ADAMTSL1: variants seen among roughly 807,000 people sequenced by gnomAD.
The protein encoded by ADAMTSL1 is ADAMTS like 1.
In ADAMTSL1, 126 loss-of-function variants were observed where a neutral mutation model predicts 201.8. That is an observed-to-expected ratio of 0.62 (90% confidence interval 0.54 to 0.72). The LOEUF is 0.72. Ranked by LOEUF, ADAMTSL1 falls within the 30% of genes least tolerant of loss-of-function variation. The pLI, the probability that ADAMTSL1 is intolerant of heterozygous loss-of-function variation, is 0.00. For synonymous variants in ADAMTSL1, 1,121 were observed against 903.4 expected (o/e 1.24, Z -4.32); for missense variants, 2,679 against 2,277.8 (o/e 1.18, Z -3.59).
chr9:17,956,728 C>T (rs34573054), intron 1 of ADAMTSL1, among the ~76,000 whole-genome samples: 16,547 of 152,152 alleles, frequency 0.11, 1,071 homozygotes, highest in South Asian at 0.21. Flanking sequence ...AATTAGAAGC[C>T]ATTTCAATGG....
At chr9:18,794,760 A>C (rs964087808) in intron 19 of ADAMTSL1, among the ~76,000 whole-genome samples, 1 of 151,930 alleles carries the variant, frequency 6.6e-6, no homozygotes, top group Non-Finnish European at 1.5e-5. Flanking sequence ...CAGCCTCCCA[A>C]GTAGCTGGGA....
chr9:17,948,549 A>G (rs1375294806), intron 1 of ADAMTSL1, among the ~76,000 whole-genome samples: 1 of 152,186 alleles, frequency 6.6e-6, no homozygotes, highest in Non-Finnish European at 1.5e-5. Context: ...GTAAAGCCTC[A>G]GTGGAGTCAA....
intron 2 of ADAMTSL1, among the ~76,000 whole-genome samples, chr9:18,406,671 G>C (rs1430104777): frequency 6.6e-6 from 1 of 152,028 alleles, no homozygotes; most frequent in Non-Finnish European, 1.5e-5. Context: ...ATGGAAAACT[G>C]CTCCTCTGTT....
At chr9:18,375,635 T>C (rs1263743669) in intron 2 of ADAMTSL1, among the ~76,000 whole-genome samples, 1 of 152,232 alleles carries the variant, frequency 6.6e-6, no homozygotes, top group Non-Finnish European at 1.5e-5. Flanking sequence ...GCCGTGGACC[T>C]TCACGGTGAG....
rs923382483 is a variant in ADAMTSL1 at position 18,795,530 on chromosome 9, C to A, written c.3805+6C>A. 3 of 1,605,010 alleles carry A rather than the reference C, an allele frequency of 1.9e-6. No individual in the cohort carries two copies. Among genetic ancestry groups the A allele is most frequent in the Non-Finnish European group, 1.7e-6 (2 of 1,175,374 alleles). ...CATTGCCGTCACATTAGCAGGTAAC[C>A]CAAAAATCCCTGTTCTGTTCATTTC... On this transcript the variant is annotated splice_donor_region_variant and intron_variant, in intron 20 of 28. Coordinates refer to ENST00000380548, the MANE Select transcript of ADAMTSL1 (RefSeq NM_001040272.6).
intron 23 of ADAMTSL1, among the ~76,000 whole-genome samples, chr9:18,836,176 T>C (rs1460214656): frequency 6.6e-6 from 1 of 152,194 alleles, no homozygotes; most frequent in Non-Finnish European, 1.5e-5. Flanking sequence ...CTGTTGTTTT[T>C]TGATGCTTAA....
At chr9:18,503,227 C>G (rs892724419) in intron 1 of ADAMTSL1, among the ~76,000 whole-genome samples, 1 of 151,760 alleles carries the variant, frequency 6.6e-6, no homozygotes, top group Admixed American at 6.6e-5. Flanking sequence ...CAGTGCCCCC[C>G]ATTCTAGACA....
At chr9:18,890,072 A>G (rs1829149744) in intron 25 of ADAMTSL1, among the ~76,000 whole-genome samples, 1 of 151,956 alleles carries the variant, frequency 6.6e-6, no homozygotes, top group African/African-American at 2.4e-5. Flanking sequence ...ACAGTAATCA[A>G]CTGACTCTGA....
chr9:18,643,522 C>G (rs1020251399), intron 7 of ADAMTSL1, among the ~76,000 whole-genome samples: 1 of 151,994 alleles, frequency 6.6e-6, no homozygotes, highest in Non-Finnish European at 1.5e-5. Context: ...ATGTTTTCTT[C>G]TAGTAATTTT....
At chr9:17,960,218 T>C (rs1310888735) in intron 1 of ADAMTSL1, among the ~76,000 whole-genome samples, 2 of 152,170 alleles carry the variant, frequency 1.3e-5, no homozygotes, top group African/African-American at 4.8e-5. Flanking sequence ...GACAAAGTGA[T>C]AAAGGAGGGC....
chr9:18,735,046 T>C (rs145503585), intron 15 of ADAMTSL1, among the ~76,000 whole-genome samples: 51 of 152,360 alleles, frequency 3.3e-4, no homozygotes, highest in African/African-American at 1.2e-3. Context: ...TCTGTCCCTA[T>C]GGACAACACT....
At chr9:18,259,655 G>GT (rs1831839990) in intron 2 of ADAMTSL1, among the ~76,000 whole-genome samples, 2 of 152,132 alleles carry the variant, frequency 1.3e-5, no homozygotes, top group East Asian at 3.9e-4. Flanking sequence ...GACTTGTTAG[G>GT]TTTCCATCAC....
At chr9:18,152,555 A>C (rs1826962072) in intron 1 of ADAMTSL1, among the ~76,000 whole-genome samples, 1 of 151,990 alleles carries the variant, frequency 6.6e-6, no homozygotes, top group South Asian at 2.1e-4. Flanking sequence ...GTTGGGTTGG[A>C]GGCCCAGGAG....
At chr9:18,543,346 C>CT (rs34284261) in intron 3 of ADAMTSL1, among the ~76,000 whole-genome samples, 58,401 of 149,042 alleles carry the variant, frequency 0.39, 12,385 homozygotes, top group East Asian at 0.63. Context: ...TGACCCACAG[C>CT]TTTTTTTTTT....
At chr9:18,790,580 G>T (rs919072440) in intron 19 of ADAMTSL1, among the ~76,000 whole-genome samples, 33 of 152,224 alleles carry the variant, frequency 2.2e-4, no homozygotes, top group African/African-American at 1.4e-4. Context: ...ATTATACTTG[G>T]TAGAAATGGC....
chr9:17,931,618 T>A (rs1213978873), intron 1 of ADAMTSL1, among the ~76,000 whole-genome samples: 1 of 152,156 alleles, frequency 6.6e-6, no homozygotes, highest in African/African-American at 2.4e-5. Context: ...TTTTTTTTCC[T>A]TTTGCATAAG....
chr9:18,099,114 T>A (rs529876446), intron 1 of ADAMTSL1, among the ~76,000 whole-genome samples: 29 of 150,984 alleles, frequency 1.9e-4, no homozygotes, highest in South Asian at 1.7e-3. Flanking sequence ...TTTTTTTTTT[T>A]AAATTGTTGT....
intron 1 of ADAMTSL1, among the ~76,000 whole-genome samples, chr9:17,918,455 G>A (rs1426634763): frequency 1.3e-5 from 2 of 151,596 alleles, no homozygotes; most frequent in African/African-American, 2.4e-5. Context: ...GTATCTTTGT[G>A]TTATTGATTT....
At chr9:18,244,436 G>A (rs1308377657) in intron 2 of ADAMTSL1, among the ~76,000 whole-genome samples, 1 of 152,042 alleles carries the variant, frequency 6.6e-6, no homozygotes, top group African/African-American at 2.4e-5. Context: ...CCAGAATCCA[G>A]AATTTTCACA....
Sources: allele counts gnomAD v4.1 joint callset (sites outside exome capture counted in the v4.1 genomes callset), GRCh38; gene constraint gnomAD v4.1.1; transcripts MANE v1.5; gene names NCBI Gene and HGNC (gene_info 2026-07-23, HGNC 2026-07-21).